OGFOD1: variants seen among roughly 807,000 people sequenced by gnomAD.
OGFOD1 encodes the protein 2-oxoglutarate and iron dependent oxygenase domain containing 1.
A neutral mutation model predicts 67.7 loss-of-function variants in OGFOD1; 54 were observed. That is an observed-to-expected ratio of 0.80 (90% confidence interval 0.64 to 1.00). The LOEUF is 1.00. OGFOD1 is among the 50% of genes least tolerant of loss of function. OGFOD1 has a pLI of 0.00. For missense variants in OGFOD1, 606 were observed against 646.7 expected (o/e 0.94, Z 0.68); for synonymous variants, 221 against 227.0 (o/e 0.97, Z 0.24).
At chr16:56,470,921 C>T (rs1963141243) in intron 10 of OGFOD1, 130 bp downstream of exon 10, 1 of 862,390 alleles carries the variant, frequency 1.2e-6, no homozygotes, top group Non-Finnish European at 1.8e-6. Flanking sequence ...AAGGACAAAA[C>T]AGACAAGGTC....
chr16:56,453,352 G>A lies in OGFOD1; in HGVS notation c.244G>A (p.Glu82Lys). The change falls in exon 2 of 13, where the codon GAA becomes AAA. Residue 82 changes from glutamate to lysine, a missense_variant. Transcript: ENST00000566157. Reference protein sequence around the residue: ...SQDFLEGLQKELMNLDFHEKY... With the variant: ...SQDFLEGLQKKLMNLDFHEKY... ...AGACTTCTTAGAAGGGCTTCAGAAGGAACTGATGAACTTGGACTTCCATGA... is the reference window on the plus strand; with the variant it reads ...AGACTTCTTAGAAGGGCTTCAGAAGAAACTGATGAACTTGGACTTCCATGA... The A allele has an allele frequency of 6.2e-7, 1 of 1,614,048 alleles. No homozygotes were observed. Among genetic ancestry groups the A allele is most frequent in the Non-Finnish European group, 8.5e-7 (1 of 1,179,964 alleles).
chr16:56,451,647 C>G lies in OGFOD1; in HGVS notation c.35C>G (p.Ala12Gly). The G allele has an allele frequency of 6.2e-7, 1 of 1,613,846 alleles. No homozygotes were observed. Among genetic ancestry groups the G allele is most frequent in the South Asian group, 1.1e-5 (1 of 91,076 alleles). ...NGKRPAEPGPARVGKKGKKEV... is the reference protein window; with the variant it reads ...NGKRPAEPGPGRVGKKGKKEV... ...AAGCGGCCAGCGGAGCCCGGCCCAG[C>G]CCGGGTGGGAAAAAAGGGAAAGAAG... The change falls in exon 1 of 13, where the codon GCC becomes GGC. Residue 12 changes from alanine to glycine, a missense_variant. Ala to Gly is a moderately conservative substitution (Grantham distance 60, BLOSUM62 0). Coordinates refer to ENST00000566157, the MANE Select transcript of OGFOD1 (RefSeq NM_018233.4).
At chr16:56,465,253 G>A (rs1052814971) in intron 4 of OGFOD1, among the ~76,000 whole-genome samples, 11 of 152,100 alleles carry the variant, frequency 7.2e-5, no homozygotes, top group Non-Finnish European at 1.5e-5. Context: ...GCCTGCCTTG[G>A]CCTCCCAAAG....
Position 56,462,474 on chromosome 16 carries a change from C to G in OGFOD1, c.348-60C>G. On this transcript the variant is annotated intron_variant, in intron 3 of 12. Transcript: ENST00000566157. The stretch of plus-strand genomic sequence containing the variant: ...AGAAAAGTTGTGGCCTAGATCCAAA[C>G]AGTTGTGACCTAGATCCCACACTGT... 2.9e-6 allele frequency: 3 copies of G among 1,022,584 alleles called. No homozygotes were observed. The South Asian group carries it at 3.9e-5, about 13-fold the overall frequency. 63.3% of individuals were successfully genotyped at this position (1,022,584 alleles called of 1,614,324 possible).
Position 56,468,019 on chromosome 16 carries a change from G to A in OGFOD1, c.900+1G>A. 2.0e-6 allele frequency: 3 copies of A among 1,466,514 alleles called. No homozygotes were observed. Among genetic ancestry groups the A allele is most frequent in the Non-Finnish European group, 2.9e-6 (3 of 1,045,700 alleles). 90.8% of individuals were successfully genotyped at this position (1,466,514 alleles called of 1,614,324 possible). A position where few individuals can be genotyped will look rare whatever the true frequency, so the allele number is the denominator to read the frequency against. On this transcript the variant is annotated splice_donor_variant, in intron 8 of 12. Coordinates refer to ENST00000566157, the MANE Select transcript of OGFOD1 (RefSeq NM_018233.4). LOFTEE classifies it high-confidence loss of function. ...AATTCTCCTGAAGGAGTTTCTTAAG[G>A]TAAGCTTAGCGTATGTTGTTCTGAA... is the stretch of plus-strand genomic sequence containing the variant.
intron 4 of OGFOD1, 134 bp downstream of exon 4, chr16:56,462,768 C>A: frequency 1.7e-6 from 1 of 602,460 alleles, no homozygotes; most frequent in Non-Finnish European, 2.9e-6. Flanking sequence ...TGATAAAGAC[C>A]CAGTTCATAG....
intron 1 of OGFOD1, among the ~76,000 whole-genome samples, chr16:56,452,705 C>T (rs1203667235): frequency 6.6e-6 from 1 of 152,106 alleles, no homozygotes; most frequent in Non-Finnish European, 1.5e-5. Flanking sequence ...GGGCCTGGCA[C>T]CTGGTAGGTG....
At chr16:56,468,424 T>C (rs755194388) in intron 8 of OGFOD1, among the ~76,000 whole-genome samples, 2 of 152,128 alleles carry the variant, frequency 1.3e-5, no homozygotes, top group Non-Finnish European at 2.9e-5. Flanking sequence ...GGAAAGAGAT[T>C]AGAAATCAGA....
In OGFOD1 at chr16:56,470,666, T is replaced by G; in HGVS notation, c.1160T>G (p.Ile387Ser). 6.2e-6 allele frequency: 10 copies of G among 1,614,100 alleles called. No individual in the cohort carries two copies. Among genetic ancestry groups the G allele is most frequent in the Non-Finnish European group, 8.5e-6 (10 of 1,180,018 alleles). The change falls in exon 10 of 13, where the codon ATC becomes AGC. Residue 387 changes from isoleucine (I) to serine (S), a missense_variant. Coordinates refer to ENST00000566157, the MANE Select transcript of OGFOD1 (RefSeq NM_018233.4). ...AAAAAAGAGGCAGAAACCACTGATA[T>G]CACTGAAGAAGGGACTAGCCATAGT... ...NDKKEAETTD[I>S]TEEGTSHSPP...
intron 2 of OGFOD1, chr16:56,458,236 C>G (rs1200563435): frequency 3.4e-6 from 1 of 290,634 alleles, no homozygotes; most frequent in African/African-American, 2.2e-5. Context: ...TCTTTTTTTC[C>G]TTTATGCACT....
At chr16:56,461,228 G>A (rs1257742619) in intron 3 of OGFOD1, among the ~76,000 whole-genome samples, 4 of 152,188 alleles carry the variant, frequency 2.6e-5, no homozygotes, top group Non-Finnish European at 4.4e-5. Context: ...AGAGAGGCTG[G>A]AGGTTGAGTT....
intron 3 of OGFOD1, among the ~76,000 whole-genome samples, chr16:56,460,767 G>A (rs1301835134): frequency 1.3e-5 from 2 of 152,194 alleles, no homozygotes; most frequent in African/African-American, 4.8e-5. Flanking sequence ...GGGAATTTCA[G>A]TAATGTGCAT....
intron 10 of OGFOD1, among the ~76,000 whole-genome samples, chr16:56,474,195 A>C (rs1032191366): frequency 1.3e-5 from 2 of 152,166 alleles, no homozygotes; most frequent in Non-Finnish European, 2.9e-5. Context: ...TTTAGGTAAT[A>C]ACATGCTGAG....
Position 56,478,267 on chromosome 16 carries a change from TCC to T in OGFOD1, c.*2063_*2064del, listed in dbSNP as rs1465659095. 1 of 152,218 alleles carries T rather than the reference TCC, an allele frequency of 6.6e-6. No homozygotes were observed. The highest frequency in any genetic ancestry group is 1.5e-5 in the Non-Finnish European group (1 of 68,076). The allele number at this position is 152,218 out of a possible 1,614,324, so 9.4% of individuals were successfully genotyped here. On this transcript the variant is annotated 3_prime_UTR_variant, in exon 13 of 13. Coordinates refer to ENST00000566157, the MANE Select transcript of OGFOD1 (RefSeq NM_018233.4). ...TCTGTCTCCTGGGTTCAAGCAATTC[TCC>T]TGCCTCAGCCTCCTAAGTAGCTGGG... is the stretch of plus-strand genomic sequence containing the variant.
intron 3 of OGFOD1, among the ~76,000 whole-genome samples, chr16:56,461,245 T>C (rs1200622070): frequency 1.3e-5 from 2 of 152,168 alleles, no homozygotes; most frequent in African/African-American, 4.8e-5. Flanking sequence ...AGTTAATCAC[T>C]AATAGCCAAT....
At chr16:56,467,086 G>A (rs1962934082) in intron 6 of OGFOD1, 79 bp from the exon 7 acceptor site, 4 of 1,591,282 alleles carry the variant, frequency 2.5e-6, no homozygotes, top group African/African-American at 1.3e-5. Flanking sequence ...GCTTAGCATG[G>A]AGGACCCTGA....
rs1316782638 is a variant in OGFOD1, at chr16:56,467,929, A to G, written c.811A>G (p.Asn271Asp). ...QDHEILYDWI[N>D]PTYLDMDYQV... ...GCATGAGATTTTGTATGATTGGATCAACCCTACTTATCTGGACATGGATTA... is the reference window on the plus strand; with the variant it reads ...GCATGAGATTTTGTATGATTGGATCGACCCTACTTATCTGGACATGGATTA... The change falls in exon 8 of 13, where the codon AAC becomes GAC. Residue 271 changes from asparagine (N) to aspartate (D), a missense_variant. Coordinates refer to ENST00000566157, the MANE Select transcript of OGFOD1 (RefSeq NM_018233.4). 1 of 1,599,590 alleles carries G rather than the reference A, an allele frequency of 6.3e-7. No individual in the cohort carries two copies. Among genetic ancestry groups the G allele is most frequent in the Non-Finnish European group, 8.6e-7 (1 of 1,166,948 alleles).
Position 56,470,505 on chromosome 16 carries a change from G to A in OGFOD1, c.999G>A (p.Glu333=), listed in dbSNP as rs1273893970. 1 of 1,610,208 alleles carries A rather than the reference G, an allele frequency of 6.2e-7. No individual in the cohort carries two copies. The highest frequency in any genetic ancestry group is 8.5e-7 in the Non-Finnish European group (1 of 1,178,638). Residue 333 remains glutamate (E), a synonymous_variant, in exon 10 of 13, where the codon GAG becomes GAA. Transcript: ENST00000566157. The stretch of plus-strand genomic sequence containing the variant: ...TTTTCAGGTTTTATGAGAAAGCTGA[G>A]GAGAGTAAGCTTCCTGAGATATTGA... ...PPNKRFYEKA[E]ESKLPEILKE... is the part of the protein sequence containing the mutation.
At chr16:56,460,757 G>A (rs1962685515) in intron 3 of OGFOD1, among the ~76,000 whole-genome samples, 1 of 152,158 alleles carries the variant, frequency 6.6e-6, no homozygotes, top group South Asian at 2.1e-4. Flanking sequence ...TCTATTTTAT[G>A]GGAATTTCAG....
Sources: allele counts gnomAD v4.1 joint callset (sites outside exome capture counted in the v4.1 genomes callset), GRCh38; gene constraint gnomAD v4.1.1; transcripts MANE v1.5; gene names NCBI Gene and HGNC (gene_info 2026-07-23, HGNC 2026-07-21).